Variants in GNAQ observed in about 807,000 individuals in gnomAD.
The protein encoded by GNAQ is G protein subunit alpha q.
In GNAQ, 8 loss-of-function variants were observed where a neutral mutation model predicts 43.9. The ratio of observed to expected loss-of-function variants is 0.18; its 90% CI spans 0.11 to 0.33. The LOEUF (loss-of-function observed/expected upper bound fraction) is 0.33. Ranked by LOEUF, GNAQ falls within the 10% of genes least tolerant of loss-of-function variation. The pLI is 1.00. For synonymous variants in GNAQ, 155 were observed against 170.7 expected (o/e 0.91, Z 0.71); for missense variants, 158 against 450.8 (o/e 0.35, Z 5.88).
chr9:77,717,114 C>G lies in GNAQ; in HGVS notation c.*4209G>C. ...AATCCCAAAGACACAGTTACCAGGA[C>G]AGATCTATTAACGCTACATATGCTG... On this transcript the variant is annotated 3_prime_UTR_variant, in exon 7 of 7. Coordinates refer to ENST00000286548, the MANE Select transcript of GNAQ (RefSeq NM_002072.5). The G allele has an allele frequency of 8.6e-6, 2 of 232,524 alleles. No individual in the cohort carries two copies. The highest frequency in any genetic ancestry group is 1.2e-4 in the East Asian group (2 of 16,424). 14.4% of individuals were successfully genotyped at this position (232,524 alleles called of 1,614,324 possible). A position where few individuals can be genotyped will look rare whatever the true frequency, so the allele number is the denominator to read the frequency against.
intron 2 of GNAQ, among the ~76,000 whole-genome samples, chr9:77,910,024 T>C (rs564285981): frequency 1.3e-5 from 2 of 152,282 alleles, no homozygotes; most frequent in South Asian, 4.1e-4. Context: ...AAAAACATAA[T>C]TGCATAGCAG....
intron 2 of GNAQ, among the ~76,000 whole-genome samples, 186 bp downstream of exon 2, chr9:77,921,975 T>A (rs1216843894): frequency 6.6e-6 from 1 of 152,122 alleles, no homozygotes; most frequent in Admixed American, 6.5e-5. Context: ...ACTTTAGAGG[T>A]TTAAGAAAAA....
chr9:77,858,588 C>A (rs757472871), intron 2 of GNAQ, among the ~76,000 whole-genome samples: 68 of 152,054 alleles, frequency 4.5e-4, no homozygotes, highest in Admixed American at 1.6e-3. Context: ...TCAGTCTTCA[C>A]CCTCCTCTGT....
intron 1 of GNAQ, among the ~76,000 whole-genome samples, chr9:77,967,669 T>C (rs1373437016): frequency 6.6e-6 from 1 of 151,994 alleles, no homozygotes; most frequent in Admixed American, 6.6e-5. Context: ...GAAGGAAGAA[T>C]GGGGAGTGAC....
intron 5 of GNAQ, among the ~76,000 whole-genome samples, chr9:77,758,892 T>C (rs528535998): frequency 6.6e-6 from 1 of 152,312 alleles, no homozygotes; most frequent in East Asian, 1.9e-4. Flanking sequence ...ATAACATATA[T>C]ATTTAAAAAT....
At chr9:77,973,574 T>A (rs1564167262) in intron 1 of GNAQ, among the ~76,000 whole-genome samples, 1 of 152,184 alleles carries the variant, frequency 6.6e-6, no homozygotes, top group East Asian at 1.9e-4. Flanking sequence ...CCCAGCACTT[T>A]GGGAGGCCAA....
intron 5 of GNAQ, among the ~76,000 whole-genome samples, chr9:77,773,349 A>G (rs1264954180): frequency 3.3e-5 from 5 of 152,242 alleles, no homozygotes; most frequent in Non-Finnish European, 7.3e-5. Context: ...ACCAACAGTA[A>G]TAACAGTACC....
At chr9:78,016,202 C>A (rs1376573300) in intron 1 of GNAQ, among the ~76,000 whole-genome samples, 1 of 152,076 alleles carries the variant, frequency 6.6e-6, no homozygotes, top group African/African-American at 2.4e-5. Context: ...CCATATGAGA[C>A]CAAAAAGCAG....
intron 2 of GNAQ, among the ~76,000 whole-genome samples, chr9:77,838,854 T>C (rs1827438340): frequency 6.6e-6 from 1 of 152,184 alleles, no homozygotes. Flanking sequence ...ACTTGGATGC[T>C]GCTGAGATTT....
chr9:77,870,904 T>G (rs1205761429), intron 2 of GNAQ, among the ~76,000 whole-genome samples: 1 of 152,128 alleles, frequency 6.6e-6, no homozygotes, highest in Non-Finnish European at 1.5e-5. Flanking sequence ...CCTATGGAAT[T>G]TGACATCAGG....
At chr9:77,815,485 T>C (rs1826997651) in intron 3 of GNAQ, 131 bp downstream of exon 3, 1 of 568,872 alleles carries the variant, frequency 1.8e-6, no homozygotes. Context: ...TCAATATCTA[T>C]ATTCCCTAAC....
At chr9:78,020,135 T>C (rs1823890154) in intron 1 of GNAQ, among the ~76,000 whole-genome samples, 1 of 152,076 alleles carries the variant, frequency 6.6e-6, no homozygotes, top group Non-Finnish European at 1.5e-5. Flanking sequence ...GGCAAGAATA[T>C]CTCATGCTAT....
At chr9:77,730,521 C>T (rs1379369677) in intron 5 of GNAQ, among the ~76,000 whole-genome samples, 1 of 152,170 alleles carries the variant, frequency 6.6e-6, no homozygotes, top group Non-Finnish European at 1.5e-5. Flanking sequence ...ATAAGGCACA[C>T]TTTTCCAAAG....
chr9:78,022,777 C>T (rs7038332), intron 1 of GNAQ, among the ~76,000 whole-genome samples: 32,911 of 152,118 alleles, frequency 0.22, 3,723 homozygotes, highest in South Asian at 0.35. Context: ...AGAACGCATA[C>T]TATAATGAAG....
intron 4 of GNAQ, among the ~76,000 whole-genome samples, chr9:77,796,358 C>A (rs570095450): frequency 6.6e-6 from 1 of 152,148 alleles, no homozygotes; most frequent in African/African-American, 2.4e-5. Context: ...TGCTTCATAA[C>A]CAATATTGCA....
chr9:77,968,209 A>AT (rs902413542), intron 1 of GNAQ, among the ~76,000 whole-genome samples: 14 of 151,722 alleles, frequency 9.2e-5, no homozygotes, highest in Admixed American at 6.6e-5. Flanking sequence ...TATATGTCAA[A>AT]TTTTTTTTTA....
At chr9:77,791,474 T>C (rs1826572326) in intron 5 of GNAQ, among the ~76,000 whole-genome samples, 1 of 151,966 alleles carries the variant, frequency 6.6e-6, no homozygotes, top group Admixed American at 6.6e-5. Context: ...GCAAAGGGAA[T>C]ACACACATCA....
At chr9:77,918,085 A>C (rs1828940223) in intron 2 of GNAQ, among the ~76,000 whole-genome samples, 1 of 152,190 alleles carries the variant, frequency 6.6e-6, no homozygotes, top group Non-Finnish European at 1.5e-5. Context: ...AGCAGGAGCA[A>C]CAGAAACCTC....
chr9:77,959,333 G>A (rs1823079503), intron 1 of GNAQ, among the ~76,000 whole-genome samples: 1 of 151,996 alleles, frequency 6.6e-6, no homozygotes, highest in Non-Finnish European at 1.5e-5. Flanking sequence ...TCATTAGTTT[G>A]CAATCATCTG....
Sources: allele counts gnomAD v4.1 joint callset (sites outside exome capture counted in the v4.1 genomes callset), GRCh38; gene constraint gnomAD v4.1.1; transcripts MANE v1.5; gene names NCBI Gene and HGNC (gene_info 2026-07-23, HGNC 2026-07-21).